Variants in ELMO1 observed in about 807,000 individuals in gnomAD.
ELMO1 encodes engulfment and cell motility protein 1.
ELMO1 carries 26 observed loss-of-function variants against 98.9 expected under a neutral mutation model. The observed-to-expected ratio is 0.26, with a 90% CI of 0.19 to 0.36. The LOEUF is 0.36. Among genes scored for constraint, ELMO1 ranks in the 10% least tolerant of loss-of-function variants. The pLI is 1.00. For missense variants in ELMO1, 627 were observed against 935.2 expected, an observed-to-expected ratio of 0.67 and a Z score of 4.30; for synonymous variants, 346 against 346.0, an observed-to-expected ratio of 1.00 and a Z score of 0.00.
chr7:37,415,052 T>C (rs1804154539), intron 1 of ELMO1, among the ~76,000 whole-genome samples: 1 of 152,256 alleles, frequency 6.6e-6, no homozygotes, highest in Non-Finnish European at 1.5e-5. Flanking sequence ...AGTAATATCC[T>C]ACCTTCTGAC....
At chr7:36,860,357 T>C (rs945341258) in intron 21 of ELMO1, among the ~76,000 whole-genome samples, 4 of 152,210 alleles carry the variant, frequency 2.6e-5, no homozygotes, top group African/African-American at 4.8e-5. Flanking sequence ...ATTTGATAAA[T>C]GAGAATGTCT....
At chr7:36,927,346 C>A (rs1446926709) in intron 16 of ELMO1, among the ~76,000 whole-genome samples, 1 of 152,200 alleles carries the variant, frequency 6.6e-6, no homozygotes, top group African/African-American at 2.4e-5. Flanking sequence ...CTAGCGAAAT[C>A]AAGATTGTTT....
intron 16 of ELMO1, among the ~76,000 whole-genome samples, chr7:36,909,373 G>T (rs1257972385): frequency 6.6e-6 from 1 of 152,218 alleles, no homozygotes; most frequent in East Asian, 1.9e-4. Flanking sequence ...CTGGGAGCCA[G>T]GGAATTTGCT....
rs185968170 is a variant in ELMO1, at chr7:36,940,311, G to A, written c.1438-45294C>T. ...AGAGCCTTCTACACTCACACTGTAT[G>A]TGAGAAAGCAAGTGAGTAGTAGTAT... On this transcript the variant is annotated intron_variant, in intron 16 of 21. Transcript: ENST00000310758. Among the ~76,000 whole-genome samples, 409 of 152,354 alleles carry A rather than the reference G, an allele frequency of 2.7e-3. 3 individuals are homozygous for A. Among genetic ancestry groups the A allele is most frequent in the African/African-American group, 9.4e-3 (389 of 41,576 alleles).
intron 2 of ELMO1, among the ~76,000 whole-genome samples, chr7:37,325,783 A>C (rs1250294404): frequency 6.6e-6 from 1 of 152,194 alleles, no homozygotes. Flanking sequence ...GGAAGAAAAG[A>C]AATCTAGCTT....
chr7:36,905,971 A>G (rs1783930400), intron 16 of ELMO1, among the ~76,000 whole-genome samples: 3 of 152,264 alleles, frequency 2.0e-5, no homozygotes, highest in Admixed American at 2.0e-4. Flanking sequence ...AAGCTGTTAA[A>G]TAGTGACAAA....
At position 37,401,494 on chromosome 7, in the gene ELMO1, AC is replaced by A. The variant is rs539415933; in HGVS notation, c.-74+47180del. Among the ~76,000 whole-genome samples the A allele has an allele frequency of 9.5e-4, 145 of 152,292 alleles. 1 individual carries two copies. Among genetic ancestry groups the A allele is most frequent in the African/African-American group, 2.9e-3 (122 of 41,568 alleles). On this transcript the variant is annotated intron_variant, in intron 1 of 21. Transcript: ENST00000310758. ...TGTTCTCACACTGCTATAACGACAT[AC>A]CCAAGACTGGGTAATTTATAAAGGA...
chr7:37,410,433 T>C (rs1406667451), intron 1 of ELMO1, among the ~76,000 whole-genome samples: 1 of 152,210 alleles, frequency 6.6e-6, no homozygotes, highest in East Asian at 1.9e-4. Flanking sequence ...TCTTCATGTC[T>C]TTCTCTCCAA....
chr7:36,917,782 T>G (rs919899123), intron 16 of ELMO1, among the ~76,000 whole-genome samples: 4 of 152,150 alleles, frequency 2.6e-5, no homozygotes, highest in African/African-American at 4.8e-5. Flanking sequence ...TCCCCAAGGG[T>G]CACAAATAAG....
At chr7:37,013,585 C>A in intron 15 of ELMO1, 150 bp from the exon 16 acceptor site, 1 of 860,390 alleles carries the variant, frequency 1.2e-6, no homozygotes, top group Non-Finnish European at 1.7e-6. Context: ...AAAAAGCAAC[C>A]AAAGGATGGC....
At chr7:37,147,026 G>T (rs1029807014) in intron 13 of ELMO1, among the ~76,000 whole-genome samples, 11 of 151,716 alleles carry the variant, frequency 7.3e-5, no homozygotes, top group Admixed American at 2.6e-4. Context: ...GGTTCAAAAG[G>T]TCTTTGGTGA....
chr7:36,873,033 C>T (rs1210944251), intron 19 of ELMO1, among the ~76,000 whole-genome samples: 2 of 152,060 alleles, frequency 1.3e-5, no homozygotes, highest in African/African-American at 2.4e-5. Flanking sequence ...CAAGGAGAAG[C>T]GTCACTTTTT....
intron 20 of ELMO1, among the ~76,000 whole-genome samples, chr7:36,866,809 G>A (rs1036794247): frequency 3.3e-5 from 5 of 152,098 alleles, no homozygotes; most frequent in African/African-American, 1.2e-4. Flanking sequence ...ACACATTCTG[G>A]TCAATTCTCC....
chr7:37,171,483 ATTTTTTTT>A (rs71780142), intron 13 of ELMO1, among the ~76,000 whole-genome samples: 63 of 82,944 alleles, frequency 7.6e-4, no homozygotes, highest in African/African-American at 1.7e-3. Context: ...AGGCCTTTCT[ATTTTTTTT>A]TTTTTTTTTT....
chr7:36,858,720 G>A (rs370346382), intron 21 of ELMO1, among the ~76,000 whole-genome samples: 32 of 152,196 alleles, frequency 2.1e-4, no homozygotes, highest in African/African-American at 7.7e-4. Context: ...GAGTACGAAA[G>A]AGGAGGCTGA....
chr7:36,965,828 C>T (rs1326407557), intron 16 of ELMO1, among the ~76,000 whole-genome samples: 15 of 152,092 alleles, frequency 9.9e-5, no homozygotes, highest in South Asian at 2.1e-4. Flanking sequence ...GCATCACATC[C>T]GCCTGTATGA....
intron 1 of ELMO1, among the ~76,000 whole-genome samples, chr7:37,444,925 G>GA (rs1805548225): frequency 6.6e-6 from 1 of 152,216 alleles, no homozygotes; most frequent in African/African-American, 2.4e-5. Flanking sequence ...TTGTTAAAAG[G>GA]AGATAGCTAA....
At chr7:36,948,065 A>G (rs1160422034) in intron 16 of ELMO1, among the ~76,000 whole-genome samples, 1 of 152,358 alleles carries the variant, frequency 6.6e-6, no homozygotes, top group Non-Finnish European at 1.5e-5. Flanking sequence ...GGTTCCTAGC[A>G]TGCAGAAGAT....
intron 15 of ELMO1, among the ~76,000 whole-genome samples, chr7:37,079,169 A>G (rs1301919453): frequency 6.6e-6 from 1 of 152,174 alleles, no homozygotes; most frequent in African/African-American, 2.4e-5. Flanking sequence ...AATCTTCCCC[A>G]GGAGCATATA....
Sources: allele counts gnomAD v4.1 joint callset (sites outside exome capture counted in the v4.1 genomes callset), GRCh38; gene constraint gnomAD v4.1.1; transcripts MANE v1.5; gene names NCBI Gene and HGNC (gene_info 2026-07-23, HGNC 2026-07-21).